Variants in KIF15 observed in about 807,000 individuals in gnomAD.
The protein encoded by KIF15 is kinesin family member 15.
In KIF15, 140 loss-of-function variants were observed where a neutral mutation model predicts 190.6. The observed-to-expected ratio is 0.73, with a 90% CI of 0.64 to 0.84. The LOEUF is 0.84. KIF15 is among the 40% of genes least tolerant of loss of function. KIF15 has a pLI of 0.00. For missense variants in KIF15, 1,372 were observed against 1,584.4 expected (o/e 0.87, Z 2.28); for synonymous variants, 528 against 551.3 (o/e 0.96, Z 0.59).
chr3:44,782,102 T>C (rs1422723175), intron 5 of KIF15, among the ~76,000 whole-genome samples: 1 of 152,114 alleles, frequency 6.6e-6, no homozygotes, highest in Non-Finnish European at 1.5e-5. Context: ...TAGGCTAGAG[T>C]GCAGTGGTAC....
intron 4 of KIF15, among the ~76,000 whole-genome samples, chr3:44,778,979 CAAAAAAAAAA>C (rs60269306): frequency 1.3e-5 from 1 of 77,724 alleles, no homozygotes; most frequent in Non-Finnish European, 2.4e-5. Context: ...GACTCCGCCT[CAAAAAAAAAA>C]AAAAAAAAAA....
At chr3:44,842,181 T>C (rs1427860855) in intron 29 of KIF15, among the ~76,000 whole-genome samples, 2 of 152,268 alleles carry the variant, frequency 1.3e-5, no homozygotes, top group African/African-American at 4.8e-5. Flanking sequence ...TATTGATTCA[T>C]AGGCATTTTT....
chr3:44,840,937 G>A, intron 28 of KIF15, 137 bp from the exon 29 acceptor site: 1 of 807,848 alleles, frequency 1.2e-6, no homozygotes, highest in South Asian at 1.7e-5. Flanking sequence ...GCCTCCCAAA[G>A]TGCTAGGATT....
At chr3:44,823,231 T>C (rs1240433524) in intron 20 of KIF15, among the ~76,000 whole-genome samples, 1 of 152,214 alleles carries the variant, frequency 6.6e-6, no homozygotes, top group Non-Finnish European at 1.5e-5. Flanking sequence ...GCTATTCCTT[T>C]CTGTTTGTTA....
chr3:44,841,169 T>G lies in KIF15; in HGVS notation c.3516T>G (p.Ser1172=), dbSNP rs1247685838. ...EIEDGRASKT[S]LEHLVTKLNE... ...AAGATGGAAGAGCCTCTAAGACTTC[T>G]TTGGAACACCTTGTAACAAAGCTAA... The change falls in exon 29 of 35, where the codon TCT becomes TCG. Residue 1172 remains serine (S), a synonymous_variant. Transcript: ENST00000326047. The G allele has an allele frequency of 1.2e-6, 2 of 1,613,684 alleles. No homozygotes were observed. The highest frequency in any genetic ancestry group is 2.2e-5 in the South Asian group (2 of 91,062).
At chr3:44,836,099 C>G (rs568072983) in intron 26 of KIF15, among the ~76,000 whole-genome samples, 1 of 152,250 alleles carries the variant, frequency 6.6e-6, no homozygotes, top group South Asian at 2.1e-4. Context: ...GTAATCCCAG[C>G]ACTTTGGGAG....
chr3:44,818,608 G>A (rs1345076766), intron 20 of KIF15, among the ~76,000 whole-genome samples: 1 of 152,156 alleles, frequency 6.6e-6, no homozygotes, highest in African/African-American at 2.4e-5. Flanking sequence ...TTATTGTGGT[G>A]GATAAGCTTT....
At chr3:44,795,080 T>C (rs569062960) in intron 8 of KIF15, among the ~76,000 whole-genome samples, 29 of 152,294 alleles carry the variant, frequency 1.9e-4, no homozygotes, top group Middle Eastern at 3.4e-3. Context: ...ATTTCTTTTG[T>C]GGAACAGTGA....
intron 8 of KIF15, among the ~76,000 whole-genome samples, chr3:44,795,319 G>A (rs1359662147): frequency 6.6e-6 from 1 of 152,198 alleles, no homozygotes; most frequent in Non-Finnish European, 1.5e-5. Flanking sequence ...TATTGTGGAT[G>A]CAGAATGAGT....
At chr3:44,858,777 A>G (rs1347893334) in intron 6 of KIF15, among the ~76,000 whole-genome samples, 2 of 152,192 alleles carry the variant, frequency 1.3e-5, no homozygotes, top group African/African-American at 2.4e-5. Flanking sequence ...CACAACAGTT[A>G]TGGAGGCAAG....
chr3:44,789,867 C>T (rs2125921553), intron 7 of KIF15, among the ~76,000 whole-genome samples: 1 of 151,650 alleles, frequency 6.6e-6, no homozygotes, highest in East Asian at 1.9e-4. Flanking sequence ...AAAGCATCAC[C>T]AAACTTCTCA....
At chr3:44,825,441 G>A (rs1697587226) in intron 20 of KIF15, among the ~76,000 whole-genome samples, 2 of 152,174 alleles carry the variant, frequency 1.3e-5, no homozygotes, top group Non-Finnish European at 2.9e-5. Flanking sequence ...GGATGATCCA[G>A]AGGTCAGATT....
chr3:44,841,858 T>G (rs2125716112), intron 29 of KIF15, among the ~76,000 whole-genome samples: 1 of 152,308 alleles, frequency 6.6e-6, no homozygotes, highest in South Asian at 2.1e-4. Context: ...AGCCCCTTTC[T>G]TTTAGAGCTT....
chr3:44,763,524 T>C (rs1172730609), intron 1 of KIF15, among the ~76,000 whole-genome samples: 1 of 151,460 alleles, frequency 6.6e-6, no homozygotes, highest in Non-Finnish European at 1.5e-5. Context: ...ATGGTCTCGA[T>C]CTCCTGACCT....
intron 34 of KIF15, among the ~76,000 whole-genome samples, 160 bp from the exon 35 acceptor site, chr3:44,852,513 G>A (rs946986941): frequency 6.6e-6 from 1 of 151,420 alleles, no homozygotes; most frequent in South Asian, 2.1e-4. Flanking sequence ...TTCAATCAGT[G>A]GCATTTCATA....
intron 8 of KIF15, among the ~76,000 whole-genome samples, chr3:44,797,194 T>A (rs1707029484): frequency 6.6e-6 from 1 of 151,944 alleles, no homozygotes; most frequent in African/African-American, 2.4e-5. Flanking sequence ...TGCCCAGCAG[T>A]TTTTTGTATT....
chr3:44,864,499 A>C (rs1699299534), intron 6 of KIF15, among the ~76,000 whole-genome samples: 1 of 152,124 alleles, frequency 6.6e-6, no homozygotes, highest in Non-Finnish European at 1.5e-5. Flanking sequence ...CTATTCATGG[A>C]GCAAATGTAA....
intron 3 of KIF15, among the ~76,000 whole-genome samples, chr3:44,776,456 T>G (rs1559525000): frequency 6.6e-6 from 1 of 152,052 alleles, no homozygotes. Flanking sequence ...TGATGTTCAT[T>G]GTAGTAGCCA....
chr3:44,795,788 G>A (rs145134240), intron 8 of KIF15, among the ~76,000 whole-genome samples: 3 of 152,238 alleles, frequency 2.0e-5, no homozygotes, highest in Admixed American at 2.0e-4. Context: ...GATGAGGGAA[G>A]AGATCTACTT....
Sources: gnomAD v4.1 joint callset for allele counts (sites outside exome capture counted in the v4.1 genomes callset) on GRCh38, gnomAD v4.1.1 for gene constraint, MANE v1.5 for transcripts, NCBI Gene and HGNC (gene_info 2026-07-23, HGNC 2026-07-21) for gene names.